Variants in PAICS observed in about 807,000 individuals in gnomAD.
The protein encoded by PAICS is bifunctional phosphoribosylaminoimidazole carboxylase/phosphoribosylaminoimidazole succinocarboxamide synthetase.
In PAICS, 33 loss-of-function variants were observed where a neutral mutation model predicts 53.7. The observed-to-expected ratio is 0.61, with a 90% CI of 0.47 to 0.82. The LOEUF is 0.82. Among genes scored for constraint, PAICS ranks in the 40% least tolerant of loss-of-function variants. PAICS has a pLI of 0.00. For missense variants in PAICS, 394 were observed against 494.1 expected (o/e 0.80, Z 1.92); for synonymous variants, 141 against 167.2 (o/e 0.84, Z 1.21).
At chr4:56,418,002 C>A in the PAICS span, among the ~76,000 whole-genome samples, 1 of 151,954 alleles carries the variant, frequency 6.6e-6, no homozygotes, top group African/African-American at 2.4e-5. Flanking sequence ...ACACACCCAA[C>A]TAATTTTTGT....
At chr4:56,449,051 T>C (rs1718766914) in intron 5 of PAICS, among the ~76,000 whole-genome samples, 1 of 152,216 alleles carries the variant, frequency 6.6e-6, no homozygotes, top group South Asian at 2.1e-4. Flanking sequence ...TTAATAACAT[T>C]GTCACAACAG....
rs145559632 is a variant in PAICS, at chr4:56,457,570, G to A, written c.1112-1802G>A. Among the ~76,000 whole-genome samples the A allele has an allele frequency of 3.4e-3, 515 of 151,958 alleles. 9 individuals are homozygous for A. The South Asian group carries it at 0.035, about 10-fold the overall frequency. On this transcript the variant is annotated intron_variant, in intron 8 of 8. Coordinates refer to ENST00000512576, the MANE Select transcript of PAICS (RefSeq NM_001079524.2). ...CCCTATTCCCTTCCAAAGGTATCTG[G>A]TGCCACTAATTTAGTCAGTCACCCT...
chr4:56,422,853 G>A, the PAICS span: 22 of 152,166 alleles, frequency 1.4e-4, no homozygotes, highest in Admixed American at 1.3e-3. Flanking sequence ...TTCTCCAAGT[G>A]TAGCAGCATC....
intron 2 of PAICS, among the ~76,000 whole-genome samples, chr4:56,444,710 G>A (rs1578150657): frequency 6.6e-6 from 1 of 152,142 alleles, no homozygotes; most frequent in East Asian, 1.9e-4. Context: ...CATCTAAACT[G>A]AGTCTGTTTT....
chr4:56,434,144 T>C (rs1717765145), upstream of PAICS, among the ~76,000 whole-genome samples: 1 of 152,220 alleles, frequency 6.6e-6, no homozygotes, highest in Non-Finnish European at 1.5e-5. Flanking sequence ...TATCCAAGAT[T>C]GGAGCTACGC....
upstream of PAICS, chr4:56,435,856 C>T (rs1717894627): frequency 1.3e-6 from 2 of 1,488,410 alleles, no homozygotes; most frequent in Admixed American, 3.5e-5. Context: ...CGGACTTAAC[C>T]TCATTTCTCT....
At chr4:56,429,007 TA>T in the PAICS span, 1 of 961,746 alleles carries the variant, frequency 1.0e-6, no homozygotes, top group Non-Finnish European at 1.2e-6. Context: ...ATGAAGATGG[TA>T]AGAGCCAGAG....
the PAICS span, among the ~76,000 whole-genome samples, chr4:56,427,716 G>C: frequency 2.8e-4 from 42 of 151,998 alleles, no homozygotes; most frequent in Middle Eastern, 3.5e-3. Flanking sequence ...TAAGATGAGA[G>C]GAACTCACTG....
the PAICS span, chr4:56,422,329 A>T: frequency 1.3e-5 from 2 of 152,098 alleles, no homozygotes; most frequent in African/African-American, 4.8e-5. Context: ...AAATTTAAAA[A>T]GCCAATATAT....
At chr4:56,445,372 CAGATCACG>C (rs1718560441) in intron 2 of PAICS, among the ~76,000 whole-genome samples, 1 of 152,024 alleles carries the variant, frequency 6.6e-6, no homozygotes, top group East Asian at 1.9e-4. Flanking sequence ...CTAAGGTGGG[CAGATCACG>C]AGATCAGGAG....
the PAICS span, chr4:56,425,418 G>T: frequency 1.1e-6 from 1 of 941,554 alleles, no homozygotes; most frequent in Non-Finnish European, 1.3e-6. Context: ...TCAGAAAACC[G>T]AAGACTTACA....
chr4:56,449,805 CA>C (rs753536092), intron 5 of PAICS, among the ~76,000 whole-genome samples: 2,391 of 92,614 alleles, frequency 0.026, 44 homozygotes, highest in African/African-American at 0.076. Flanking sequence ...AACCTTGTCT[CA>C]AAAAAAAAAA....
the PAICS span, among the ~76,000 whole-genome samples, chr4:56,426,401 CA>C: frequency 7.1e-3 from 995 of 139,850 alleles, 6 homozygotes; most frequent in African/African-American, 0.021. Context: ...GACTCTGTCT[CA>C]AAAAAAAAAA....
At chr4:56,414,029 A>G in the PAICS span, among the ~76,000 whole-genome samples, 1 of 152,222 alleles carries the variant, frequency 6.6e-6, no homozygotes, top group Non-Finnish European at 1.5e-5. Context: ...ACTTTTCTAT[A>G]CAATTTTACA....
intron 8 of PAICS, among the ~76,000 whole-genome samples, chr4:56,456,879 G>A (rs953001365): frequency 1.3e-5 from 2 of 152,022 alleles, no homozygotes; most frequent in Non-Finnish European, 2.9e-5. Context: ...CAGCTGTCTG[G>A]TAATCCTTGG....
At chr4:56,442,657 T>C (rs2110083769) in intron 2 of PAICS, among the ~76,000 whole-genome samples, 1 of 152,302 alleles carries the variant, frequency 6.6e-6, no homozygotes, top group South Asian at 2.1e-4. Flanking sequence ...TAAAAGCTTT[T>C]TCTTTATCAT....
At chr4:56,436,174 A>G (rs1717931387), upstream of PAICS, 1 of 1,504,088 alleles carries the variant, frequency 6.6e-7, no homozygotes, top group Admixed American at 2.2e-5. Context: ...AGGCGGCTGT[A>G]GCGGAGCTCG....
the PAICS span, among the ~76,000 whole-genome samples, chr4:56,412,000 C>T: frequency 2.0e-5 from 3 of 152,124 alleles, no homozygotes; most frequent in Non-Finnish European, 2.9e-5. Context: ...AAACAGCAAT[C>T]GCATTATTTT....
At chr4:56,413,993 T>A in the PAICS span, among the ~76,000 whole-genome samples, 2 of 152,234 alleles carry the variant, frequency 1.3e-5, no homozygotes, top group South Asian at 4.1e-4. Flanking sequence ...TAATTTGCAT[T>A]TGTTTAATTA....
Sources: allele counts gnomAD v4.1 joint callset (sites outside exome capture counted in the v4.1 genomes callset), GRCh38; gene constraint gnomAD v4.1.1; transcripts MANE v1.5; gene names NCBI Gene and HGNC (gene_info 2026-07-23, HGNC 2026-07-21).